Variants in LRTM1 observed in about 807,000 individuals in gnomAD.
LRTM1 encodes leucine-rich repeat and transmembrane domain-containing protein 1.
In LRTM1, 38 loss-of-function variants were observed where a neutral mutation model predicts 32.4. The observed-to-expected ratio is 1.17, with a 90% CI of 0.91 to 1.54. LRTM1 has a LOEUF of 1.54. Ranked by LOEUF, LRTM1 falls within the 40% of genes most tolerant of loss-of-function variation. LRTM1 has a pLI of 0.00. For synonymous variants in LRTM1, 186 were observed against 169.9 expected, an observed-to-expected ratio of 1.09 and a Z score of -0.74; for missense variants, 466 against 415.4, an observed-to-expected ratio of 1.12 and a Z score of -1.06.
chr3:54,924,733 C>T lies in LRTM1; in HGVS notation c.490G>A (p.Ala164Thr), dbSNP rs111954555. The T allele has an allele frequency of 5.0e-6, 8 of 1,614,168 alleles. No homozygotes were observed. The highest frequency in any genetic ancestry group is 4.0e-5 in the African/African-American group (3 of 75,040). ...ACACTGGGCATGGATTCCAGGAGCG[C>T]TCGATCAAGCTGCTGAAGCTGGTTT... ...QQNQLQQLDR[A>T]LLESMPSVRL... The change falls in exon 2 of 3, where the codon GCG becomes ACG. Residue 164 changes from alanine (A) to threonine (T), a missense_variant. By Grantham distance (58) the Ala-to-Thr change is moderately conservative. Coordinates refer to ENST00000273286, the MANE Select transcript of LRTM1 (RefSeq NM_020678.4).
chr3:54,955,122 G>A (rs551415291), intron 1 of LRTM1, among the ~76,000 whole-genome samples: 3 of 152,246 alleles, frequency 2.0e-5, no homozygotes, highest in Admixed American at 6.5e-5. Flanking sequence ...ATGGGGAATC[G>A]TAGGAGAATG....
upstream of LRTM1, among the ~76,000 whole-genome samples, chr3:54,929,550 A>G (rs1317019852): frequency 2.0e-5 from 3 of 152,082 alleles, no homozygotes; most frequent in East Asian, 3.9e-4. Context: ...GCCCCTTGTC[A>G]CCCCACATAA....
chr3:54,954,115 G>C (rs1025396811), intron 1 of LRTM1, among the ~76,000 whole-genome samples: 9 of 152,212 alleles, frequency 5.9e-5, no homozygotes, highest in African/African-American at 1.9e-4. Flanking sequence ...TGAGGCCAAA[G>C]AGAGAGGGGG....
chr3:54,929,267 C>T (rs866135174), upstream of LRTM1, among the ~76,000 whole-genome samples: 5 of 152,230 alleles, frequency 3.3e-5, no homozygotes, highest in Non-Finnish European at 4.4e-5. Flanking sequence ...TGGCAGTACA[C>T]GACATGGCCC....
At chr3:54,945,947 C>G (rs901779031) in intron 1 of LRTM1, among the ~76,000 whole-genome samples, 8 of 152,224 alleles carry the variant, frequency 5.3e-5, no homozygotes, top group Non-Finnish European at 1.0e-4. Flanking sequence ...TGACCTCTAT[C>G]CCGGCTCCTG....
intron 1 of LRTM1, among the ~76,000 whole-genome samples, chr3:54,960,042 C>T (rs892521075): frequency 3.3e-5 from 5 of 149,754 alleles, no homozygotes; most frequent in African/African-American, 1.0e-4. Flanking sequence ...CTCTACTTTA[C>T]CAAAGGTGAC....
chr3:54,939,553 G>A (rs983267659), intron 1 of LRTM1, among the ~76,000 whole-genome samples: 2 of 152,226 alleles, frequency 1.3e-5, no homozygotes, highest in Non-Finnish European at 2.9e-5. Flanking sequence ...GTCTGCTGTG[G>A]CCAGGGATTG....
At position 54,918,704 on chromosome 3, in the gene LRTM1, C is replaced by A; in HGVS notation, c.793G>T (p.Glu265Ter). Residue 265 changes from glutamate to a stop codon, truncating the protein, a stop_gained, in exon 3 of 3, where the codon GAG becomes TAG. Coordinates refer to ENST00000273286, the MANE Select transcript of LRTM1 (RefSeq NM_020678.4). LOFTEE classifies it high-confidence loss of function. ...LRPPENHNAG[E>*]RELLECELKP... Reference sequence around the variant, plus strand: ...AGCTCGCACTCCAAGAGTTCTCGCTCCCCCGCGTTGTGGTTCTCAGGAGGC... The same window carrying A: ...AGCTCGCACTCCAAGAGTTCTCGCTACCCCGCGTTGTGGTTCTCAGGAGGC... 1 of 1,614,132 alleles carries A rather than the reference C, an allele frequency of 6.2e-7. No individual in the cohort carries two copies. Among genetic ancestry groups the A allele is most frequent in the Non-Finnish European group, 8.5e-7 (1 of 1,180,024 alleles).
intron 1 of LRTM1, among the ~76,000 whole-genome samples, chr3:54,937,080 C>T (rs1254957784): frequency 6.6e-6 from 1 of 152,178 alleles, no homozygotes; most frequent in Non-Finnish European, 1.5e-5. Context: ...CCCTTAGAGA[C>T]TGGTGTTTCT....
chr3:54,943,707 G>A (rs1200977164), intron 1 of LRTM1, among the ~76,000 whole-genome samples: 1 of 148,524 alleles, frequency 6.7e-6, no homozygotes, highest in Non-Finnish European at 1.5e-5. Context: ...CTAAATGTTT[G>A]GTATTTCTGC....
chr3:54,955,740 T>G (rs186447218), intron 1 of LRTM1, among the ~76,000 whole-genome samples: 32 of 152,204 alleles, frequency 2.1e-4, no homozygotes, highest in Admixed American at 1.1e-3. Flanking sequence ...GGGGCTTTTT[T>G]GGGTATTGGC....
chr3:54,939,256 A>G (rs1209795345), intron 1 of LRTM1, among the ~76,000 whole-genome samples: 2 of 152,152 alleles, frequency 1.3e-5, no homozygotes, highest in South Asian at 2.1e-4. Context: ...GGTAGGAACT[A>G]TTATCTTCTA....
intron 1 of LRTM1, among the ~76,000 whole-genome samples, chr3:54,958,154 A>G (rs933964758): frequency 3.3e-5 from 5 of 152,244 alleles, no homozygotes; most frequent in African/African-American, 4.8e-5. Flanking sequence ...AATAAATAAT[A>G]TAAAATGTCA....
At chr3:54,926,834 C>T (rs1443977711) in intron 1 of LRTM1, among the ~76,000 whole-genome samples, 4 of 151,738 alleles carry the variant, frequency 2.6e-5, no homozygotes, top group East Asian at 3.9e-4. Context: ...ACTGCCTTGG[C>T]TGTGCAGGAA....
intron 1 of LRTM1, among the ~76,000 whole-genome samples, chr3:54,964,608 G>A (rs1305510362): frequency 1.3e-5 from 2 of 152,146 alleles, no homozygotes; most frequent in African/African-American, 4.8e-5. Context: ...AAGGGAGAGA[G>A]TGGGACTCAC....
chr3:54,946,384 G>A (rs1235849296), intron 1 of LRTM1, among the ~76,000 whole-genome samples: 1 of 152,118 alleles, frequency 6.6e-6, no homozygotes, highest in Non-Finnish European at 1.5e-5. Flanking sequence ...TTAGCCCAGG[G>A]AACACCTGAG....
chr3:54,918,330 T>TTG lies in LRTM1; in HGVS notation c.*128_*129insCA. 1 of 334,650 alleles carries TTG rather than the reference T, an allele frequency of 3.0e-6. No homozygotes were observed. Among genetic ancestry groups the TTG allele is most frequent in the Non-Finnish European group, 4.6e-6 (1 of 216,034 alleles). 20.7% of individuals were successfully genotyped at this position (334,650 alleles called of 1,614,324 possible). On this transcript the variant is annotated 3_prime_UTR_variant, in exon 3 of 3. Coordinates refer to ENST00000273286, the MANE Select transcript of LRTM1 (RefSeq NM_020678.4). ...TTTTTTACAGACACATCTTTTTTTT[T>TTG]TCTTTTTTTTTTTTTTTTTTTTTTT...
intron 1 of LRTM1, among the ~76,000 whole-genome samples, chr3:54,940,266 C>T (rs950331708): frequency 1.3e-5 from 2 of 152,276 alleles, no homozygotes; most frequent in South Asian, 4.1e-4. Context: ...TTCTACTTAT[C>T]CTTGAGAAAG....
At chr3:54,925,863 T>C (rs893157237) in intron 1 of LRTM1, among the ~76,000 whole-genome samples, 8 of 152,354 alleles carry the variant, frequency 5.3e-5, no homozygotes, top group East Asian at 1.9e-4. Context: ...CTGCTACGTA[T>C]TGATATCCAT....
Sources: gnomAD v4.1 joint callset for allele counts (sites outside exome capture counted in the v4.1 genomes callset) on GRCh38, gnomAD v4.1.1 for gene constraint, MANE v1.5 for transcripts, NCBI Gene and HGNC (gene_info 2026-07-23, HGNC 2026-07-21) for gene names.